The following CTDSPL2 variants were observed in gnomAD, a reference collection of about 807,000 sequenced individuals.
CTDSPL2 encodes the protein CTD small phosphatase-like protein 2.
A neutral mutation model predicts 60.0 loss-of-function variants in CTDSPL2; 5 were observed. That is an observed-to-expected ratio of 0.08 (90% confidence interval 0.04 to 0.18). CTDSPL2 has a LOEUF of 0.18. Ranked by LOEUF, CTDSPL2 falls within the 10% of genes least tolerant of loss-of-function variation. The pLI, the probability that CTDSPL2 is intolerant of heterozygous loss-of-function variation, is 1.00. For synonymous variants in CTDSPL2, 186 were observed against 189.3 expected (o/e 0.98, Z 0.14); for missense variants, 370 against 548.8 (o/e 0.67, Z 3.26).
chr15:44,515,774 G>A (rs1053128124), intron 10 of CTDSPL2, among the ~76,000 whole-genome samples: 33 of 152,192 alleles, frequency 2.2e-4, no homozygotes, highest in African/African-American at 7.7e-4. Context: ...TCGGGAGGCT[G>A]AGGCAGGAGA....
In CTDSPL2 at chr15:44,490,990, C is replaced by T. The variant is rs1311841997; in HGVS notation, c.682C>T (p.Pro228Ser). ...AEETVNRDIP[P>S]LTAPVTPDSG... Reference sequence around the variant, plus strand: ...AGAAACAGTTAATCGTGATATCCCACCCCTTACAGGTGAAGAAAATTTCTT... The same window carrying T: ...AGAAACAGTTAATCGTGATATCCCATCCCTTACAGGTGAAGAAAATTTCTT... Residue 228 changes from proline to serine, a missense_variant, in exon 5 of 13, where the codon CCC (proline) becomes TCC (serine). Pro to Ser is a moderately conservative substitution (Grantham distance 74, BLOSUM62 -1). Coordinates refer to ENST00000260327, the MANE Select transcript of CTDSPL2 (RefSeq NM_016396.3). 1.1e-5 allele frequency: 17 copies of T among 1,613,064 alleles called. No homozygotes were observed. The highest frequency in any genetic ancestry group is 1.4e-5 in the Non-Finnish European group (17 of 1,179,248).
At chr15:44,440,053 T>G (rs1408552287) in intron 1 of CTDSPL2, among the ~76,000 whole-genome samples, 1 of 152,190 alleles carries the variant, frequency 6.6e-6, no homozygotes, top group Non-Finnish European at 1.5e-5. Flanking sequence ...TACTACAGTT[T>G]CAATTTTAGA....
intron 2 of CTDSPL2, among the ~76,000 whole-genome samples, chr15:44,476,924 T>C (rs1395679655): frequency 6.6e-6 from 1 of 152,080 alleles, no homozygotes; most frequent in Non-Finnish European, 1.5e-5. Flanking sequence ...AAGAGCACAG[T>C]AGAAGTGCAC....
In CTDSPL2 at chr15:44,440,414, TC is replaced by T. The variant is rs563709937; in HGVS notation, c.-25+12643del. On this transcript the variant is annotated intron_variant, in intron 1 of 12. Transcript: ENST00000260327. ...CTTCACTCTGTTGCCCAGGCTGGTC[TC>T]GAACTCCTGACCTCAGGTGATCTGC... is the stretch of plus-strand genomic sequence containing the variant. Among the ~76,000 whole-genome samples the T allele has an allele frequency of 2.3e-3, 344 of 152,246 alleles. 1 individual carries two copies. The highest frequency in any genetic ancestry group is 4.4e-3 in the Non-Finnish European group (299 of 68,016).
chr15:44,495,942 A>C (rs185088830), intron 5 of CTDSPL2, among the ~76,000 whole-genome samples: 14 of 152,150 alleles, frequency 9.2e-5, no homozygotes, highest in Admixed American at 5.9e-4. Context: ...CAAAAAAAAA[A>C]CACAAAAAAC....
chr15:44,510,928 T>G (rs903657434), intron 8 of CTDSPL2, among the ~76,000 whole-genome samples: 9 of 152,210 alleles, frequency 5.9e-5, no homozygotes, highest in African/African-American at 2.2e-4. Context: ...ACTTATATAT[T>G]TCTGTTCACG....
chr15:44,510,735 T>C (rs2081551836), intron 8 of CTDSPL2, among the ~76,000 whole-genome samples: 1 of 152,180 alleles, frequency 6.6e-6, no homozygotes, highest in African/African-American at 2.4e-5. Context: ...ATGGAGCTAA[T>C]GCTATTTGTA....
At chr15:44,466,528 G>C (rs1326609042) in intron 2 of CTDSPL2, among the ~76,000 whole-genome samples, 1 of 152,118 alleles carries the variant, frequency 6.6e-6, no homozygotes, top group South Asian at 2.1e-4. Context: ...TGCACTAATT[G>C]GCAATTTTGT....
intron 1 of CTDSPL2, among the ~76,000 whole-genome samples, chr15:44,434,814 C>T (rs905906336): frequency 3.9e-5 from 6 of 152,004 alleles, no homozygotes; most frequent in African/African-American, 1.5e-4. Context: ...CTGTATTTTG[C>T]CAAATGTTTT....
chr15:44,462,234 G>T (rs2080585999), intron 2 of CTDSPL2, among the ~76,000 whole-genome samples: 1 of 152,154 alleles, frequency 6.6e-6, no homozygotes, highest in South Asian at 2.1e-4. Flanking sequence ...TGGCTGAATT[G>T]TTTCTGTTAA....
At chr15:44,511,893 GAAAAT>G (rs2081573623) in intron 8 of CTDSPL2, among the ~76,000 whole-genome samples, 2 of 97,176 alleles carry the variant, frequency 2.1e-5, no homozygotes, top group Non-Finnish European at 2.1e-5. Context: ...AAAAAAAAAA[GAAAAT>G]CTGAAACTTA....
rs191788767 is a variant in CTDSPL2, at chr15:44,503,143, T to A, written c.969+3330T>A. 4.5e-3 allele frequency among the ~76,000 whole-genome samples: 682 copies of A among 152,310 alleles called. 4 individuals are homozygous for A. The highest frequency in any genetic ancestry group is 0.016 in the African/African-American group (648 of 41,578). On this transcript the variant is annotated intron_variant, in intron 8 of 12. Transcript: ENST00000260327. ...AAAGTCATTTGAAAGAACCGACTTG[T>A]TAAACGTGAGGAAATGGCACTCATA...
chr15:44,487,329 C>A (rs1411049347), intron 4 of CTDSPL2, among the ~76,000 whole-genome samples: 2 of 152,068 alleles, frequency 1.3e-5, no homozygotes, highest in Non-Finnish European at 2.9e-5. Context: ...GTAGTGCACG[C>A]CTGTAGTCCT....
chr15:44,479,468 A>G (rs139983827), intron 2 of CTDSPL2, among the ~76,000 whole-genome samples: 1,450 of 128,134 alleles, frequency 0.011, 30 homozygotes, highest in African/African-American at 0.043. Flanking sequence ...TTGCAGTGGC[A>G]TGGTCATGGC....
chr15:44,495,036 A>G lies in CTDSPL2; in HGVS notation c.692-1344A>G, dbSNP rs147280642. Among the ~76,000 whole-genome samples, 1,128 of 152,232 alleles carry G rather than the reference A, an allele frequency of 7.4e-3. 13 individuals are homozygous for G. Among genetic ancestry groups the G allele is most frequent in the African/African-American group, 0.026 (1,078 of 41,556 alleles). On this transcript the variant is annotated intron_variant, in intron 5 of 12. Transcript: ENST00000260327. ...GCCCAGGCTAGAGTGCAATGACACA[A>G]TCTCGGCTCACTGCAACCTCTGCTT... is the stretch of plus-strand genomic sequence containing the variant.
chr15:44,427,913 C>T (rs949114875), intron 1 of CTDSPL2, 141 bp downstream of exon 1: 6 of 374,890 alleles, frequency 1.6e-5, no homozygotes, highest in Non-Finnish European at 2.8e-5. Flanking sequence ...CACTCTTTGG[C>T]GCCTCGTACG....
intron 1 of CTDSPL2, among the ~76,000 whole-genome samples, chr15:44,452,453 T>C (rs1043456515): frequency 1.3e-5 from 2 of 152,176 alleles, no homozygotes; most frequent in Non-Finnish European, 2.9e-5. Context: ...TTTTTGTTGT[T>C]TCCAGTTTGG....
chr15:44,431,160 T>G (rs2141249340), intron 1 of CTDSPL2, among the ~76,000 whole-genome samples: 1 of 151,446 alleles, frequency 6.6e-6, no homozygotes, highest in East Asian at 2.0e-4. Flanking sequence ...GGGGTCTCGC[T>G]GTGTCACCCA....
At chr15:44,471,091 A>C (rs1432664848) in intron 2 of CTDSPL2, among the ~76,000 whole-genome samples, 4 of 152,168 alleles carry the variant, frequency 2.6e-5, no homozygotes, top group Admixed American at 2.6e-4. Flanking sequence ...AGAGTTTCAT[A>C]GGATTATAAT....
Sources: allele counts gnomAD v4.1 joint callset (sites outside exome capture counted in the v4.1 genomes callset), GRCh38; gene constraint gnomAD v4.1.1; transcripts MANE v1.5; gene names NCBI Gene and HGNC (gene_info 2026-07-23, HGNC 2026-07-21).